Variants in METTL13 observed in about 807,000 individuals in gnomAD.
The protein encoded by METTL13 is methyltransferase 13, eEF1A N-terminus and K55.
METTL13 carries 52 observed loss-of-function variants against 67.4 expected under a neutral mutation model. The observed-to-expected ratio is 0.77, with a 90% CI of 0.62 to 0.97. The LOEUF is 0.97. METTL13 is among the 50% of genes least tolerant of loss of function. The pLI is 0.00. For synonymous variants in METTL13, 354 were observed against 353.6 expected, an observed-to-expected ratio of 1.00 and a Z score of -0.01; for missense variants, 825 against 889.6, an observed-to-expected ratio of 0.93 and a Z score of 0.92.
intron 6 of METTL13, 47 bp from the exon 7 acceptor site, chr1:171,794,349 T>C: frequency 1.2e-6 from 2 of 1,612,856 alleles, no homozygotes; most frequent in African/African-American, 1.3e-5. Flanking sequence ...GTAAATGGTA[T>C]TATTTTATCC....
chr1:171,783,016 C>T (rs1190845730), intron 1 of METTL13, among the ~76,000 whole-genome samples: 3 of 150,236 alleles, frequency 2.0e-5, no homozygotes, highest in Non-Finnish European at 2.9e-5. Context: ...GGTGAGTGGC[C>T]ATGCATACAT....
At position 171,797,010 on chromosome 1, in the gene METTL13, T is replaced by C; in HGVS notation, c.*254T>C. ...TCCTACACCACGTCCTTGAGTGGAG[T>C]TCCCTGCTGAAGCCCCTAGCACACA... On this transcript the variant is annotated 3_prime_UTR_variant, in exon 8 of 8. Coordinates refer to ENST00000361735, the MANE Select transcript of METTL13 (RefSeq NM_015935.5). 2.1e-6 allele frequency: 1 copy of C among 473,976 alleles called. No homozygotes were observed. Among genetic ancestry groups the C allele is most frequent in the African/African-American group, 2.0e-5 (1 of 51,132 alleles). 29.4% of individuals were successfully genotyped at this position (473,976 alleles called of 1,614,324 possible).
chr1:171,794,396 C>T lies in METTL13; in HGVS notation c.1694C>T (p.Ala565Val), dbSNP rs1293125538. The change falls in exon 7 of 8, where the codon GCA (alanine) becomes GTA (valine). Residue 565 changes from alanine (A) to valine (V), a missense_variant and splice_region_variant. Ala to Val is a moderately conservative substitution (Grantham distance 64). Transcript: ENST00000361735. ...YIASLAGGGE[A>V]RPCYDVIMFD... is the part of the protein sequence containing the mutation. ...GGACTTGTTTCCTTCTTTTTCCCAGCACGGCCTTGCTACGATGTCATAATG... is the reference window on the plus strand; with the variant it reads ...GGACTTGTTTCCTTCTTTTTCCCAGTACGGCCTTGCTACGATGTCATAATG... 1 of 1,614,026 alleles carries T rather than the reference C, an allele frequency of 6.2e-7. No homozygotes were observed. Among genetic ancestry groups the T allele is most frequent in the Non-Finnish European group, 8.5e-7 (1 of 1,180,014 alleles).
rs1303570561 is a variant in METTL13, at chr1:171,781,769, T to G, written c.-199T>G. Reference sequence around the variant, plus strand: ...AGGAGGGGGCAAGCGTGTGTGAGATTCAGTGGTCCATGCGTGCGTTTGTCG... The same window carrying G: ...AGGAGGGGGCAAGCGTGTGTGAGATGCAGTGGTCCATGCGTGCGTTTGTCG... On this transcript the variant is annotated 5_prime_UTR_variant, in exon 1 of 8. The change creates a new upstream start codon in the 5' untranslated region. Coordinates refer to ENST00000361735, the MANE Select transcript of METTL13 (RefSeq NM_015935.5). The G allele has an allele frequency of 7.2e-7, 1 of 1,396,200 alleles. No individual in the cohort carries two copies. The highest frequency in any genetic ancestry group is 9.3e-7 in the Non-Finnish European group (1 of 1,074,400). The allele number at this position is 1,396,200 out of a possible 1,614,324, so 86.5% of individuals were successfully genotyped here. A position where few individuals can be genotyped will look rare whatever the true frequency, so the allele number is the denominator to read the frequency against.
chr1:171,792,848 A>G lies in METTL13; in HGVS notation c.1693+613A>G, dbSNP rs559730059. On this transcript the variant is annotated intron_variant, in intron 6 of 7. Transcript: ENST00000361735. ...CTGGCCCAGAATTTCCACAGTGCTC[A>G]GGTGGAGAAACCTTGATGCAGATGG... Among the ~76,000 whole-genome samples the G allele has an allele frequency of 3.3e-5, 5 of 152,336 alleles. No individual in the cohort carries two copies. In the East Asian group the frequency reaches 9.6e-4, roughly 29 times the overall value.
intron 4 of METTL13, among the ~76,000 whole-genome samples, chr1:171,790,149 A>C (rs866820374): frequency 5.9e-5 from 9 of 152,310 alleles, no homozygotes; most frequent in Middle Eastern, 3.4e-3. Flanking sequence ...ACAGCTCTAG[A>C]GTGAGAACTC....
Position 171,781,854 on chromosome 1 carries a change from T to G in METTL13, c.-114T>G. On this transcript the variant is annotated 5_prime_UTR_variant, in exon 1 of 8. Transcript: ENST00000361735. ...ACAAATCAATGTGGCTGTTTTTCCG[T>G]GGAAAGAATTCCCACTGCAGTGTCC... The G allele has an allele frequency of 6.6e-7, 1 of 1,524,588 alleles. No individual in the cohort carries two copies. The highest frequency in any genetic ancestry group is 2.2e-5 in the Admixed American group (1 of 46,332). 94.4% of individuals were successfully genotyped at this position (1,524,588 alleles called of 1,614,324 possible). A position where few individuals can be genotyped will look rare whatever the true frequency, so the allele number is the denominator to read the frequency against.
rs770505871 is a variant in METTL13, at chr1:171,796,507, C to T, written c.1851C>T (p.Cys617=). 6.2e-7 allele frequency: 1 copy of T among 1,614,162 alleles called. No homozygotes were observed. Residue 617 remains cysteine, a synonymous_variant, in exon 8 of 8, where the codon TGC becomes TGT. Coordinates refer to ENST00000361735, the MANE Select transcript of METTL13 (RefSeq NM_015935.5). ...PEGVFILNLV[C]RDLGLKDSVL... ...GTGTTTTTATTCTCAACCTTGTGTG[C>T]CGAGACTTGGGGCTAAAAGACTCAG...
intron 7 of METTL13, among the ~76,000 whole-genome samples, chr1:171,795,635 G>T (rs1219087866): frequency 3.3e-5 from 5 of 152,198 alleles, no homozygotes. Context: ...CTCAAAGTCA[G>T]TGCCTTGTCA....
intron 3 of METTL13, among the ~76,000 whole-genome samples, chr1:171,786,431 C>T (rs574378659): frequency 6.6e-6 from 1 of 152,288 alleles, no homozygotes; most frequent in East Asian, 1.9e-4. Flanking sequence ...CTTCTTAGAA[C>T]TATCATTATC....
rs1468916701 is a variant in METTL13 at position 171,781,865 on chromosome 1, C to A, written c.-103C>A. 1 of 1,533,424 alleles carries A rather than the reference C, an allele frequency of 6.5e-7. No homozygotes were observed. The highest frequency in any genetic ancestry group is 2.1e-5 in the Admixed American group (1 of 47,656). The allele number at this position is 1,533,424 out of a possible 1,614,324, so 95.0% of individuals were successfully genotyped here. Reference sequence around the variant, plus strand: ...TGGCTGTTTTTCCGTGGAAAGAATTCCCACTGCAGTGTCCCGGAGCCTGCG... The same window carrying A: ...TGGCTGTTTTTCCGTGGAAAGAATTACCACTGCAGTGTCCCGGAGCCTGCG... On this transcript the variant is annotated 5_prime_UTR_variant, in exon 1 of 8. Coordinates refer to ENST00000361735, the MANE Select transcript of METTL13 (RefSeq NM_015935.5).
Position 171,781,932 on chromosome 1 carries a change from G to A in METTL13, c.-36G>A. 1 of 1,612,608 alleles carries A rather than the reference G, an allele frequency of 6.2e-7. No homozygotes were observed. The highest frequency in any genetic ancestry group is 8.5e-7 in the Non-Finnish European group (1 of 1,179,128). ...CTCAAATGGTATCTCACAGGGAATA[G>A]GGGAGTCTTGAAAACGCAGCTTCGG... On this transcript the variant is annotated 5_prime_UTR_variant, in exon 1 of 8. The change abolishes the stop of an existing upstream ORF in the 5' untranslated region. Transcript: ENST00000361735.
chr1:171,796,905 T>C lies in METTL13; in HGVS notation c.*149T>C, dbSNP rs1476077460. ...ACATGTGACCTCCAGCTTGGTGAGG[T>C]TGCCTGAAGATTAGGGAAAATAAAA... On this transcript the variant is annotated 3_prime_UTR_variant, in exon 8 of 8. Coordinates refer to ENST00000361735, the MANE Select transcript of METTL13 (RefSeq NM_015935.5). The C allele has an allele frequency of 1.2e-5, 12 of 1,024,916 alleles. No individual in the cohort carries two copies. Among genetic ancestry groups the C allele is most frequent in the Non-Finnish European group, 1.5e-5 (11 of 717,726 alleles). The allele number at this position is 1,024,916 out of a possible 1,614,324, so 63.5% of individuals were successfully genotyped here. A position where few individuals can be genotyped will look rare whatever the true frequency, so the allele number is the denominator to read the frequency against.
chr1:171,790,630 C>T lies in METTL13; in HGVS notation c.1474+14C>T. 6.6e-7 allele frequency: 1 copy of T among 1,507,016 alleles called. No individual in the cohort carries two copies. Among genetic ancestry groups the T allele is most frequent in the Non-Finnish European group, 8.9e-7 (1 of 1,128,514 alleles). 93.4% of individuals were successfully genotyped at this position (1,507,016 alleles called of 1,614,324 possible). A position where few individuals can be genotyped will look rare whatever the true frequency, so the allele number is the denominator to read the frequency against. On this transcript the variant is annotated intron_variant, in intron 5 of 7. Coordinates refer to ENST00000361735, the MANE Select transcript of METTL13 (RefSeq NM_015935.5). Reference sequence around the variant, plus strand: ...AGCTACTCCTAGGTGAGAGAGATGCCACTGCCTTCCACAGAAGGGAGCATA... The same window carrying T: ...AGCTACTCCTAGGTGAGAGAGATGCTACTGCCTTCCACAGAAGGGAGCATA...
Position 171,785,948 on chromosome 1 carries a change from C to G in METTL13, c.983C>G (p.Ala328Gly). 6.2e-7 allele frequency: 1 copy of G among 1,613,906 alleles called. No homozygotes were observed. The highest frequency in any genetic ancestry group is 8.5e-7 in the Non-Finnish European group (1 of 1,179,978). Residue 328 changes from alanine (A) to glycine (G), a missense_variant, in exon 3 of 8, where the codon GCT (alanine) becomes GGT (glycine). Transcript: ENST00000361735. ...GGCCGGAAACAGCTGGCGGCCAGTG[C>G]TGGCTTCAGGAGGTTGATTACAGTG... The part of the protein sequence containing the change: ...DEGRKQLAAS[A>G]GFRRLITVAL...
chr1:171,788,418 G>A (rs1187780943), intron 4 of METTL13, among the ~76,000 whole-genome samples: 2 of 152,222 alleles, frequency 1.3e-5, no homozygotes, highest in Non-Finnish European at 2.9e-5. Flanking sequence ...GTCGCGACTA[G>A]CCATATGTAG....
At chr1:171,788,571 C>G (rs1657102001) in intron 4 of METTL13, among the ~76,000 whole-genome samples, 1 of 126,568 alleles carries the variant, frequency 7.9e-6, no homozygotes, top group Non-Finnish European at 1.8e-5. Flanking sequence ...ACCATCTCTT[C>G]TAGGATCCCT....
chr1:171,793,356 C>T (rs1308975118), intron 6 of METTL13, among the ~76,000 whole-genome samples: 1 of 152,222 alleles, frequency 6.6e-6, no homozygotes, highest in African/African-American at 2.4e-5. Context: ...ATGGTAAGTA[C>T]TTAATCCATG....
chr1:171,791,923 CAGTG>C (rs1657220368), intron 5 of METTL13, 90 bp from the exon 6 acceptor site: 26 of 1,260,946 alleles, frequency 2.1e-5, no homozygotes, highest in Admixed American at 5.3e-5. Context: ...TGAATGGAGA[CAGTG>C]AGCTGACTTT....
Sources: gnomAD v4.1 joint callset for allele counts (sites outside exome capture counted in the v4.1 genomes callset) on GRCh38, gnomAD v4.1.1 for gene constraint, MANE v1.5 for transcripts, NCBI Gene and HGNC (gene_info 2026-07-23, HGNC 2026-07-21) for gene names.